Variants in MYO9A observed in about 807,000 individuals in gnomAD.
MYO9A encodes unconventional myosin-IXa.
MYO9A carries 103 observed loss-of-function variants against 293.3 expected under a neutral mutation model. That is an observed-to-expected ratio of 0.35 (90% CI 0.30 to 0.41). MYO9A has a LOEUF of 0.41. Ranked by LOEUF, MYO9A falls within the 10% of genes least tolerant of loss-of-function variation. The pLI is 1.00. For missense variants in MYO9A, 2,685 were observed against 3,033.0 expected (o/e 0.89, Z 2.69); for synonymous variants, 1,001 against 1,035.7 (o/e 0.97, Z 0.64).
intron 1 of MYO9A, among the ~76,000 whole-genome samples, chr15:72,101,322 C>G (rs1457409301): frequency 6.9e-6 from 1 of 144,314 alleles, no homozygotes. Context: ...CCAGCCGCCC[C>G]GTCCGGGAGG....
In MYO9A at chr15:72,117,752, G is replaced by T; in HGVS notation, c.-144C>A. ...AAGCTGCCTTCCACCCTCCGCCCCA[G>T]GGTAGGACCGGAGATGGCAGAAGAG... On this transcript the variant is annotated 5_prime_UTR_variant, in exon 1 of 42. The change creates a new upstream start codon in the 5' untranslated region. Coordinates refer to ENST00000356056, the MANE Select transcript of MYO9A (RefSeq NM_006901.4). The T allele has an allele frequency of 2.5e-6, 1 of 397,766 alleles. No individual in the cohort carries two copies. Among genetic ancestry groups the T allele is most frequent in the South Asian group, 1.3e-4 (1 of 7,796 alleles). 24.6% of individuals were successfully genotyped at this position (397,766 alleles called of 1,614,324 possible).
At chr15:72,074,489 G>A (rs2079285245) in intron 1 of MYO9A, among the ~76,000 whole-genome samples, 1 of 152,132 alleles carries the variant, frequency 6.6e-6, no homozygotes, top group Admixed American at 6.6e-5. Context: ...ACAGACAAGT[G>A]ACTACTTTCA....
intron 14 of MYO9A, among the ~76,000 whole-genome samples, chr15:71,956,330 A>ATATATATCT (rs1555490831): frequency 1.3e-5 from 1 of 75,584 alleles, no homozygotes; most frequent in Admixed American, 1.7e-4. Context: ...AAAAAAAAAA[A>ATATATATCT]ATATATATAT....
At chr15:72,098,812 AAAAACAAAAC>A (rs754861307) in intron 1 of MYO9A, among the ~76,000 whole-genome samples, 25 of 152,254 alleles carry the variant, frequency 1.6e-4, no homozygotes, top group Non-Finnish European at 2.4e-4. Context: ...CCCCCATCTC[AAAAACAAAAC>A]AAAACAAAAC....
At chr15:72,038,800 A>G (rs1047291375) in intron 2 of MYO9A, among the ~76,000 whole-genome samples, 1 of 152,228 alleles carries the variant, frequency 6.6e-6, no homozygotes, top group African/African-American at 2.4e-5. Flanking sequence ...ATAAGAGTCT[A>G]TCTTCTTTAA....
chr15:72,022,734 G>C (rs2077540624), intron 4 of MYO9A, among the ~76,000 whole-genome samples: 1 of 151,908 alleles, frequency 6.6e-6, no homozygotes, highest in Non-Finnish European at 1.5e-5. Context: ...TTTTTGTAGA[G>C]ACAGAGTCTC....
At chr15:72,080,375 G>A (rs945662604) in intron 1 of MYO9A, among the ~76,000 whole-genome samples, 4 of 144,958 alleles carry the variant, frequency 2.8e-5, no homozygotes, top group African/African-American at 1.0e-4. Context: ...ATATGGCCAT[G>A]AGAAGTTTCT....
chr15:71,841,495 A>G (rs1022986936), intron 39 of MYO9A, among the ~76,000 whole-genome samples: 4 of 152,190 alleles, frequency 2.6e-5, no homozygotes, highest in African/African-American at 9.6e-5. Flanking sequence ...AGATCAACAA[A>G]CATGGTGAAT....
chr15:71,916,278 C>T, intron 19 of MYO9A, 92 bp downstream of exon 19: 1 of 1,381,184 alleles, frequency 7.2e-7, no homozygotes, highest in East Asian at 2.5e-5. Context: ...AAATTAAAAT[C>T]CCATTCAAGT....
At chr15:71,994,342 A>C (rs2076635060) in intron 10 of MYO9A, 127 bp downstream of exon 10, 1 of 544,088 alleles carries the variant, frequency 1.8e-6, no homozygotes, top group Non-Finnish European at 3.1e-6. Context: ...CAGGGTAATA[A>C]ATAACAAATA....
chr15:72,110,933 G>A (rs2080758215), intron 1 of MYO9A, among the ~76,000 whole-genome samples: 1 of 152,172 alleles, frequency 6.6e-6, no homozygotes, highest in Non-Finnish European at 1.5e-5. Flanking sequence ...GCCGAAGCGG[G>A]CGGATCACAA....
chr15:72,035,281 C>T (rs2078009148), intron 2 of MYO9A, among the ~76,000 whole-genome samples: 1 of 152,158 alleles, frequency 6.6e-6, no homozygotes, highest in African/African-American at 2.4e-5. Flanking sequence ...TGGCTATTTA[C>T]TACTGAGAAA....
chr15:71,975,390 C>CGTGTGTGTGTGTGT (rs57800508), intron 12 of MYO9A, among the ~76,000 whole-genome samples: 1,286 of 86,666 alleles, frequency 0.015, 183 homozygotes, highest in African/African-American at 0.05. Context: ...GTGATTTTAT[C>CGTGTGTGTGTGTGT]GTGTGTGTGT....
At chr15:71,885,292 T>C (rs1471827941) in intron 27 of MYO9A, among the ~76,000 whole-genome samples, 1 of 152,172 alleles carries the variant, frequency 6.6e-6, no homozygotes, top group Non-Finnish European at 1.5e-5. Flanking sequence ...TGATATTCAG[T>C]ATTTATTTTT....
In MYO9A at chr15:71,899,861, G is replaced by A; in HGVS notation, c.3296C>T (p.Ala1099Val). 1 of 1,614,168 alleles carries A rather than the reference G, an allele frequency of 6.2e-7. No individual in the cohort carries two copies. The highest frequency in any genetic ancestry group is 8.5e-7 in the Non-Finnish European group (1 of 1,180,044). ...LERQRYLELR[A>V]AAIVIQQKWR... ...TTTCTGCTGGATAACGATGGCTGCA[G>A]CCCGTAACTCCAAGTACCGCTGCCT... The change falls in exon 24 of 42, where the codon GCT (alanine) becomes GTT (valine). Residue 1099 changes from alanine to valine, a missense_variant. Physicochemically the swap from Ala to Val is moderately conservative, Grantham distance 64 (BLOSUM62 0). Transcript: ENST00000356056.
At chr15:72,044,799 C>T (rs2078333473) in intron 2 of MYO9A, among the ~76,000 whole-genome samples, 1 of 152,218 alleles carries the variant, frequency 6.6e-6, no homozygotes, top group Non-Finnish European at 1.5e-5. Context: ...TTTTCACCAA[C>T]CATCACAATG....
chr15:72,044,439 G>A (rs2078322191), intron 2 of MYO9A, among the ~76,000 whole-genome samples: 1 of 151,358 alleles, frequency 6.6e-6, no homozygotes, highest in African/African-American at 2.4e-5. Flanking sequence ...AGTATATAAT[G>A]TATTGTTACT....
intron 33 of MYO9A, among the ~76,000 whole-genome samples, chr15:71,861,675 G>GAT (rs1392804541): frequency 1.1e-5 from 1 of 93,408 alleles, no homozygotes; most frequent in Non-Finnish European, 1.9e-5. Flanking sequence ...AGGCACTGAT[G>GAT]ATATAAAAAA....
chr15:72,109,692 C>G (rs148507028), intron 1 of MYO9A, among the ~76,000 whole-genome samples: 14 of 152,044 alleles, frequency 9.2e-5, no homozygotes, highest in African/African-American at 3.1e-4. Flanking sequence ...AGTTTGAGAC[C>G]AGTCTGGCCA....
Sources: allele counts gnomAD v4.1 joint callset (sites outside exome capture counted in the v4.1 genomes callset), GRCh38; gene constraint gnomAD v4.1.1; transcripts MANE v1.5; gene names NCBI Gene and HGNC (gene_info 2026-07-23, HGNC 2026-07-21).